CCDC125: variants seen among roughly 807,000 people sequenced by gnomAD.
The protein encoded by CCDC125 is coiled-coil domain-containing protein 125.
Under a neutral mutation model 57.4 loss-of-function variants are expected in CCDC125, and 43 were observed. That is an observed-to-expected ratio of 0.75 (90% CI 0.59 to 0.97). The LOEUF is 0.97. CCDC125 is among the 50% of genes least tolerant of loss of function. The pLI, the probability that CCDC125 is intolerant of heterozygous loss-of-function variation, is 0.00. For missense variants in CCDC125, 563 were observed against 595.7 expected (o/e 0.95, Z 0.57); for synonymous variants, 187 against 195.2 (o/e 0.96, Z 0.35).
chr5:69,290,878 C>T (rs1307083621), intron 10 of CCDC125, among the ~76,000 whole-genome samples: 1 of 152,030 alleles, frequency 6.6e-6, no homozygotes, highest in African/African-American at 2.4e-5. Context: ...GATCCACCCA[C>T]CTCGGCCTCC....
intron 8 of CCDC125, among the ~76,000 whole-genome samples, chr5:69,297,347 ATATT>A (rs376399179): frequency 5.3e-5 from 8 of 150,870 alleles, no homozygotes; most frequent in African/African-American, 7.3e-5. Context: ...GGCCTGTGCC[ATATT>A]TATTTATTTA....
intron 5 of CCDC125, chr5:69,307,735 A>G (rs1757559174): frequency 3.7e-6 from 2 of 537,542 alleles, no homozygotes; most frequent in Admixed American, 6.4e-5. Context: ...CAGGCCTCCT[A>G]CTACCTTAAC....
downstream of CCDC125, among the ~76,000 whole-genome samples, chr5:69,276,925 C>T (rs1752212039): frequency 6.6e-6 from 1 of 152,126 alleles, no homozygotes; most frequent in Admixed American, 6.6e-5. Context: ...GTATGTGTAC[C>T]TTGTTCCCTT....
chr5:69,312,163 A>AGTCTGG (rs1758264814), intron 3 of CCDC125, among the ~76,000 whole-genome samples: 1 of 152,184 alleles, frequency 6.6e-6, no homozygotes, highest in South Asian at 2.1e-4. Context: ...ATTTGGACCC[A>AGTCTGG]GACTCATAGG....
At chr5:69,330,181 T>A (rs938284630) in intron 1 of CCDC125, among the ~76,000 whole-genome samples, 2 of 152,202 alleles carry the variant, frequency 1.3e-5, no homozygotes, top group Non-Finnish European at 2.9e-5. Context: ...TTCTCATATC[T>A]GTCCTCTAAG....
At chr5:69,329,882 C>A (rs551236289) in intron 1 of CCDC125, among the ~76,000 whole-genome samples, 18 of 152,312 alleles carry the variant, frequency 1.2e-4, no homozygotes, top group African/African-American at 4.3e-4. Context: ...AGAGCCAGGA[C>A]TAGAAACAAT....
Position 69,294,817 on chromosome 5 carries a change from T to A in CCDC125, c.900A>T (p.Lys300Asn), listed in dbSNP as rs137885413. Reference sequence around the variant, plus strand: ...CCTCTTGTTTGAGCTGAAGAAGCAGTTTCCGAGTGGATGCTGCCATTCTGG... The same window carrying A: ...CCTCTTGTTTGAGCTGAAGAAGCAGATTCCGAGTGGATGCTGCCATTCTGG... Reference protein sequence around the residue: ...SCARMAASTRKLLLQLKQELE... With the variant: ...SCARMAASTRNLLLQLKQELE... The change falls in exon 9 of 12, where the codon AAA becomes AAT. Residue 300 changes from lysine to asparagine, a missense_variant. Transcript: ENST00000396496. The A allele has an allele frequency of 3.7e-5, 59 of 1,614,118 alleles. No individual in the cohort carries two copies. In the African/African-American group the frequency reaches 4.7e-4, roughly 13 times the overall value.
At chr5:69,332,509 T>C (rs1175488405) in intron 1 of CCDC125, 140 bp downstream of exon 1, 1 of 152,230 alleles carries the variant, frequency 6.6e-6, no homozygotes, top group Non-Finnish European at 1.5e-5. Flanking sequence ...AATCTATTTC[T>C]TATTTTTTTC....
At chr5:69,313,481 T>C in intron 3 of CCDC125, 8 of 1,093,014 alleles carry the variant, frequency 7.3e-6, no homozygotes, top group Non-Finnish European at 1.1e-5. Flanking sequence ...TCTTGCTTGA[T>C]TCCTGTCAGC....
At chr5:69,300,205 C>G in intron 7 of CCDC125, 78 bp from the exon 8 acceptor site, 2 of 1,026,788 alleles carry the variant, frequency 1.9e-6, no homozygotes, top group South Asian at 1.3e-5. Context: ...CCCAACATGA[C>G]ATATTCATTT....
At chr5:69,300,867 T>A (rs1379093003) in intron 7 of CCDC125, among the ~76,000 whole-genome samples, 1 of 152,056 alleles carries the variant, frequency 6.6e-6, no homozygotes, top group Admixed American at 6.6e-5. Context: ...TTCTTCTTTT[T>A]TCCTTTCTTT....
intron 2 of CCDC125, among the ~76,000 whole-genome samples, chr5:69,319,446 G>A (rs1235805975): frequency 6.6e-6 from 1 of 150,424 alleles, no homozygotes; most frequent in East Asian, 2.0e-4. Context: ...CATAACTACT[G>A]TACTGTACAA....
chr5:69,326,293 T>C (rs1314798955), intron 1 of CCDC125, among the ~76,000 whole-genome samples: 2 of 152,230 alleles, frequency 1.3e-5, no homozygotes, highest in Non-Finnish European at 2.9e-5. Context: ...AAGTCTAAAA[T>C]ATCTAGTTTG....
chr5:69,313,980 C>A lies in CCDC125; in HGVS notation c.366+5G>T, dbSNP rs1758587338. 6.3e-7 allele frequency: 1 copy of A among 1,598,944 alleles called. No individual in the cohort carries two copies. Among genetic ancestry groups the A allele is most frequent in the South Asian group, 1.1e-5 (1 of 90,758 alleles). On this transcript the variant is annotated splice_donor_5th_base_variant and intron_variant, in intron 3 of 11. Coordinates refer to ENST00000396496, the MANE Select transcript of CCDC125 (RefSeq NM_176816.5). Reference sequence around the variant, plus strand: ...GATAATTTTTATATTAGCCAGAGTACCTACCTCTAAAGTTTCATTAAGACA... The same window carrying A: ...GATAATTTTTATATTAGCCAGAGTAACTACCTCTAAAGTTTCATTAAGACA...
chr5:69,315,421 G>A (rs1222097612), intron 2 of CCDC125, among the ~76,000 whole-genome samples: 1 of 124,318 alleles, frequency 8.0e-6, no homozygotes, highest in Non-Finnish European at 1.6e-5. Context: ...CTAGGTAACA[G>A]AGCGAGATTC....
rs185995719 is a variant in CCDC125, at chr5:69,303,072, T to C, written c.700+775A>G. Among the ~76,000 whole-genome samples, 4 of 152,292 alleles carry C rather than the reference T, an allele frequency of 2.6e-5. No homozygotes were observed. In the East Asian group the frequency reaches 7.7e-4, roughly 29 times the overall value. Reference sequence around the variant, plus strand: ...TTTCGCTCTGTCACCCAAGCTGCAGTGCAGTGGCACAATCATGGCTCACTG... The same window carrying C: ...TTTCGCTCTGTCACCCAAGCTGCAGCGCAGTGGCACAATCATGGCTCACTG... On this transcript the variant is annotated intron_variant, in intron 7 of 11. Coordinates refer to ENST00000396496, the MANE Select transcript of CCDC125 (RefSeq NM_176816.5).
At chr5:69,273,670 A>G in the CCDC125 span, among the ~76,000 whole-genome samples, 8 of 152,250 alleles carry the variant, frequency 5.3e-5, no homozygotes, top group African/African-American at 1.7e-4. Flanking sequence ...GCACTGTACA[A>G]CACAGTGCAG....
chr5:69,320,574 G>A lies in CCDC125; in HGVS notation c.-34C>T. ...TGCCGTCTTTATCATAAGAAAAAAT[G>A]GGCTGTCTGTAGTTAAGAAAAACAG... On this transcript the variant is annotated 5_prime_UTR_variant, in exon 2 of 12. Transcript: ENST00000396496. 3 of 1,494,864 alleles carry A rather than the reference G, an allele frequency of 2.0e-6. No individual in the cohort carries two copies. The highest frequency in any genetic ancestry group is 2.4e-5 in the South Asian group (2 of 82,886). The allele number at this position is 1,494,864 out of a possible 1,614,324, so 92.6% of individuals were successfully genotyped here. A position where few individuals can be genotyped will look rare whatever the true frequency, so the allele number is the denominator to read the frequency against.
intron 3 of CCDC125, among the ~76,000 whole-genome samples, chr5:69,311,610 C>T (rs1439762332): frequency 2.0e-5 from 3 of 151,644 alleles, no homozygotes; most frequent in Non-Finnish European, 4.4e-5. Context: ...CGAGGCTGAG[C>T]CACTGCACTC....
Sources: allele counts gnomAD v4.1 joint callset (sites outside exome capture counted in the v4.1 genomes callset), GRCh38; gene constraint gnomAD v4.1.1; transcripts MANE v1.5; gene names NCBI Gene and HGNC (gene_info 2026-07-23, HGNC 2026-07-21).